The following NUBPL variants were observed in gnomAD, a reference collection of about 807,000 sequenced individuals.
The protein encoded by NUBPL is NUBP iron-sulfur cluster assembly factor, mitochondrial, also known as iron-sulfur cluster transfer protein NUBPL.
NUBPL carries 31 observed loss-of-function variants against 45.7 expected under a neutral mutation model. The observed-to-expected ratio is 0.68, with a 90% CI of 0.51 to 0.92. NUBPL has a LOEUF of 0.92. NUBPL is among the 40% of genes least tolerant of loss of function. NUBPL has a pLI of 0.00. For synonymous variants in NUBPL, 144 were observed against 140.9 expected (o/e 1.02, Z -0.15); for missense variants, 401 against 398.7 (o/e 1.01, Z -0.05).
intron 3 of NUBPL, among the ~76,000 whole-genome samples, chr14:31,591,731 G>A (rs2034147953): frequency 2.0e-5 from 3 of 152,090 alleles, no homozygotes; most frequent in South Asian, 4.2e-4. Context: ...TATTAGTGTA[G>A]AAGTATTAGA....
At chr14:31,735,850 T>TCAAAAAAAAAAAAAAAA (rs1166189612) in intron 6 of NUBPL, among the ~76,000 whole-genome samples, 1 of 152,154 alleles carries the variant, frequency 6.6e-6, no homozygotes, top group African/African-American at 2.4e-5. Context: ...AGACTCTGTC[T>TCAAAAAAAAAAAAAAAA]TAAAAAAAAT....
At chr14:31,763,110 A>G (rs1383304314) in intron 6 of NUBPL, among the ~76,000 whole-genome samples, 1 of 152,170 alleles carries the variant, frequency 6.6e-6, no homozygotes, top group East Asian at 1.9e-4. Flanking sequence ...ATGGGAGTGG[A>G]AGAGGAACAG....
At chr14:31,732,705 G>A (rs940926589) in intron 6 of NUBPL, among the ~76,000 whole-genome samples, 3 of 143,308 alleles carry the variant, frequency 2.1e-5, no homozygotes, top group South Asian at 2.3e-4. Context: ...TCCATCTCCC[G>A]GGTTTAAGCA....
intron 10 of NUBPL, among the ~76,000 whole-genome samples, chr14:31,858,453 G>A (rs2040659421): frequency 6.6e-6 from 1 of 152,200 alleles, no homozygotes; most frequent in Admixed American, 6.5e-5. Context: ...TTTATTTAAA[G>A]GAACTCTTAA....
At chr14:31,602,658 C>T (rs545576943) in intron 4 of NUBPL, among the ~76,000 whole-genome samples, 2 of 152,032 alleles carry the variant, frequency 1.3e-5, no homozygotes, top group African/African-American at 4.8e-5. Flanking sequence ...AAAATAGTTA[C>T]AACTACTGTG....
intron 4 of NUBPL, among the ~76,000 whole-genome samples, chr14:31,640,579 C>T (rs2035661828): frequency 6.8e-6 from 1 of 145,992 alleles, no homozygotes; most frequent in African/African-American, 2.6e-5. Context: ...CACACCACTG[C>T]ACTCCAGCCT....
At chr14:31,729,284 C>T (rs557488510) in intron 6 of NUBPL, among the ~76,000 whole-genome samples, 4 of 145,940 alleles carry the variant, frequency 2.7e-5, no homozygotes, top group African/African-American at 1.0e-4. Context: ...ATCCCCCCCC[C>T]CCCCAAAAAA....
intron 2 of NUBPL, among the ~76,000 whole-genome samples, chr14:31,564,539 TGTG>T (rs1317982172): frequency 6.8e-6 from 1 of 146,232 alleles, no homozygotes; most frequent in Non-Finnish European, 1.5e-5. Flanking sequence ...ATGAGCTGGG[TGTG>T]GTGGTGCCCA....
intron 7 of NUBPL, among the ~76,000 whole-genome samples, chr14:31,803,761 T>C (rs1481795612): frequency 1.3e-5 from 2 of 152,240 alleles, no homozygotes; most frequent in Non-Finnish European, 2.9e-5. Flanking sequence ...TTACACAAAT[T>C]GTAACCAACT....
intron 7 of NUBPL, among the ~76,000 whole-genome samples, chr14:31,809,750 A>C (rs2039763421): frequency 6.6e-6 from 1 of 152,166 alleles, no homozygotes; most frequent in African/African-American, 2.4e-5. Context: ...TCTTGTGGGC[A>C]TTTAGTTCTA....
At chr14:31,762,655 T>A (rs1209037608) in intron 6 of NUBPL, among the ~76,000 whole-genome samples, 2 of 152,206 alleles carry the variant, frequency 1.3e-5, no homozygotes, top group Non-Finnish European at 2.9e-5. Context: ...CCATAATTGT[T>A]TGGCAATTTA....
chr14:31,811,674 G>A (rs1174056150), intron 7 of NUBPL, among the ~76,000 whole-genome samples: 1 of 152,204 alleles, frequency 6.6e-6, no homozygotes, highest in East Asian at 1.9e-4. Context: ...GTGAGGAGTT[G>A]TGATCCTTTG....
intron 4 of NUBPL, among the ~76,000 whole-genome samples, chr14:31,647,071 C>T (rs1055912147): frequency 6.6e-6 from 1 of 152,066 alleles, no homozygotes; most frequent in Non-Finnish European, 1.5e-5. Flanking sequence ...ATATTTCAGT[C>T]TCTTTGTTAA....
chr14:31,647,389 T>C (rs985290173), intron 4 of NUBPL, among the ~76,000 whole-genome samples: 35 of 152,230 alleles, frequency 2.3e-4, no homozygotes, highest in Non-Finnish European at 1.5e-5. Context: ...TTTTTTTTCT[T>C]GTTAGGTTGC....
chr14:31,837,106 G>T (rs926101571), intron 8 of NUBPL, among the ~76,000 whole-genome samples: 2 of 152,180 alleles, frequency 1.3e-5, no homozygotes, highest in Admixed American at 1.3e-4. Flanking sequence ...AGGATTGCTT[G>T]AAGCCGGGAG....
intron 6 of NUBPL, among the ~76,000 whole-genome samples, chr14:31,692,645 A>G (rs1041285328): frequency 1.3e-5 from 2 of 152,376 alleles, no homozygotes; most frequent in South Asian, 2.1e-4. Flanking sequence ...TGATCCTGCA[A>G]TAGAAATGAG....
chr14:31,793,246 C>G lies in NUBPL; in HGVS notation c.607+5373C>G, dbSNP rs181145643. Among the ~76,000 whole-genome samples, 5 of 152,214 alleles carry G rather than the reference C, an allele frequency of 3.3e-5. No homozygotes were observed. The East Asian group carries it at 9.7e-4, about 29-fold the overall frequency. On this transcript the variant is annotated intron_variant, in intron 7 of 10. Transcript: ENST00000281081. The stretch of plus-strand genomic sequence containing the variant: ...AACCCTTTGTACTCACTACTCCCAC[C>G]TTCCTTTTACTTTCCAGAATATGTC...
intron 6 of NUBPL, among the ~76,000 whole-genome samples, chr14:31,706,617 T>A (rs1343859150): frequency 6.6e-6 from 1 of 152,178 alleles, no homozygotes; most frequent in Non-Finnish European, 1.5e-5. Flanking sequence ...AAAACAACAC[T>A]CTTCCCCTAA....
At chr14:31,767,257 C>T (rs1339441776) in intron 6 of NUBPL, among the ~76,000 whole-genome samples, 1 of 152,158 alleles carries the variant, frequency 6.6e-6, no homozygotes, top group East Asian at 1.9e-4. Flanking sequence ...GGCTGGAGTG[C>T]AGTGGCGCGA....
Sources: allele counts gnomAD v4.1 joint callset (sites outside exome capture counted in the v4.1 genomes callset), GRCh38; gene constraint gnomAD v4.1.1; transcripts MANE v1.5; gene names NCBI Gene and HGNC (gene_info 2026-07-23, HGNC 2026-07-21).